The following TTC27 variants were observed in gnomAD, a reference collection of about 807,000 sequenced individuals.
TTC27 encodes the protein tetratricopeptide repeat domain 27.
TTC27 carries 79 observed loss-of-function variants against 115.9 expected under a neutral mutation model. That is an observed-to-expected ratio of 0.68 (90% CI 0.57 to 0.82). TTC27 has a LOEUF of 0.82. TTC27 is among the 40% of genes least tolerant of loss of function. TTC27 has a pLI of 0.00. For synonymous variants in TTC27, 401 were observed against 356.0 expected, an observed-to-expected ratio of 1.13 and a Z score of -1.42; for missense variants, 1,054 against 993.1, an observed-to-expected ratio of 1.06 and a Z score of -0.82.
chr2:32,816,780 T>C (rs1328947662), intron 18 of TTC27, among the ~76,000 whole-genome samples: 1 of 152,184 alleles, frequency 6.6e-6, no homozygotes, highest in Non-Finnish European at 1.5e-5. Context: ...GAAAATGCAG[T>C]AAGAATTGAG....
At chr2:32,784,865 T>C (rs10490456) in intron 15 of TTC27, among the ~76,000 whole-genome samples, 18,022 of 152,056 alleles carry the variant, frequency 0.12, 1,221 homozygotes, top group Middle Eastern at 0.24. Context: ...GAGGCAGTTG[T>C]TATTAGATGG....
chr2:32,810,452 G>A (rs895653020), intron 16 of TTC27, among the ~76,000 whole-genome samples: 2 of 152,220 alleles, frequency 1.3e-5, no homozygotes, highest in Non-Finnish European at 2.9e-5. Context: ...CAAATTAGTA[G>A]TTGTGGCAGA....
chr2:32,712,190 GC>G (rs1295410045), intron 10 of TTC27, among the ~76,000 whole-genome samples: 1 of 152,090 alleles, frequency 6.6e-6, no homozygotes, highest in African/African-American at 2.4e-5. Flanking sequence ...AGTGAGACGT[GC>G]CAAACTTGAA....
intron 10 of TTC27, among the ~76,000 whole-genome samples, chr2:32,725,206 C>A (rs1572551598): frequency 1.3e-5 from 2 of 152,110 alleles, no homozygotes; most frequent in African/African-American, 4.8e-5. Flanking sequence ...CCTCACATTT[C>A]AAAATCAATC....
At chr2:32,764,314 A>G (rs917267005) in intron 13 of TTC27, among the ~76,000 whole-genome samples, 10 of 152,196 alleles carry the variant, frequency 6.6e-5, no homozygotes, top group Admixed American at 5.9e-4. Flanking sequence ...AAAGCAAGTC[A>G]TGCGAATTTT....
chr2:32,697,833 C>T (rs1361894841), intron 9 of TTC27, among the ~76,000 whole-genome samples: 1 of 151,982 alleles, frequency 6.6e-6, no homozygotes, highest in African/African-American at 2.4e-5. Flanking sequence ...CACACTGCAA[C>T]CTCTCCCTCC....
At chr2:32,663,990 ATT>A (rs34288912) in intron 5 of TTC27, among the ~76,000 whole-genome samples, 2 of 144,108 alleles carry the variant, frequency 1.4e-5, no homozygotes, top group Non-Finnish European at 1.5e-5. Context: ...TCCCCCCACT[ATT>A]TTTTTTTTTT....
chr2:32,644,698 G>A (rs1664784481), intron 4 of TTC27, among the ~76,000 whole-genome samples: 1 of 151,910 alleles, frequency 6.6e-6, no homozygotes, highest in South Asian at 2.1e-4. Context: ...TGAGTAGCTG[G>A]AACTTCAGGA....
At chr2:32,671,188 T>C (rs942981282) in intron 7 of TTC27, among the ~76,000 whole-genome samples, 2 of 152,186 alleles carry the variant, frequency 1.3e-5, no homozygotes, top group Admixed American at 1.3e-4. Flanking sequence ...AAAGTTTTTT[T>C]TAATGTTTTC....
chr2:32,752,460 A>G (rs1312233230), intron 12 of TTC27, among the ~76,000 whole-genome samples: 4 of 152,298 alleles, frequency 2.6e-5, no homozygotes, highest in East Asian at 1.9e-4. Context: ...TGAGCAAATA[A>G]TTTAGAACCA....
At chr2:32,659,259 C>G (rs1244300817) in intron 5 of TTC27, among the ~76,000 whole-genome samples, 1 of 152,110 alleles carries the variant, frequency 6.6e-6, no homozygotes, top group Non-Finnish European at 1.5e-5. Flanking sequence ...GCCACGATGC[C>G]CAGCCCCTCC....
At chr2:32,663,537 C>T (rs1665634429) in intron 5 of TTC27, among the ~76,000 whole-genome samples, 1 of 152,170 alleles carries the variant, frequency 6.6e-6, no homozygotes, top group East Asian at 1.9e-4. Context: ...CCTGGTACCT[C>T]AGTTGGAAAT....
At chr2:32,675,554 G>C (rs1307471483) in intron 8 of TTC27, among the ~76,000 whole-genome samples, 1 of 152,100 alleles carries the variant, frequency 6.6e-6, no homozygotes, top group African/African-American at 2.4e-5. Flanking sequence ...GAAACCACTT[G>C]CTTATTTTCT....
At position 32,683,047 on chromosome 2, in the gene TTC27, G is replaced by A. The variant is rs115277854; in HGVS notation, c.1119+4125G>A. ...TTTTTTGTGTTTTTCAGTAAAGATG[G>A]GGTTTCACTGTGTTAGCTAGGATGG... On this transcript the variant is annotated intron_variant, in intron 9 of 19. Coordinates refer to ENST00000317907, the MANE Select transcript of TTC27 (RefSeq NM_017735.5). 4.9e-3 allele frequency among the ~76,000 whole-genome samples: 737 copies of A among 151,708 alleles called. 8 individuals carry two copies. Among genetic ancestry groups the A allele is most frequent in the African/African-American group, 0.017 (717 of 41,368 alleles).
chr2:32,646,153 C>T (rs778653720), intron 4 of TTC27, among the ~76,000 whole-genome samples: 32 of 152,016 alleles, frequency 2.1e-4, no homozygotes, highest in Non-Finnish European at 3.7e-4. Flanking sequence ...CTCAGCCTCC[C>T]GAGGAGCTGG....
chr2:32,680,634 G>T (rs1177890395), intron 9 of TTC27, among the ~76,000 whole-genome samples: 1 of 152,146 alleles, frequency 6.6e-6, no homozygotes, highest in Non-Finnish European at 1.5e-5. Flanking sequence ...TCAGGGTAGG[G>T]ACTGGATGGG....
chr2:32,699,438 G>A (rs1667109881), intron 9 of TTC27, among the ~76,000 whole-genome samples: 1 of 152,224 alleles, frequency 6.6e-6, no homozygotes, highest in Non-Finnish European at 1.5e-5. Flanking sequence ...GTAGATTATG[G>A]CTTGAGCTCT....
intron 1 of TTC27, among the ~76,000 whole-genome samples, chr2:32,628,794 C>G (rs568847670): frequency 1.3e-5 from 2 of 150,564 alleles, no homozygotes; most frequent in Admixed American, 1.3e-4. Flanking sequence ...CGGAGTTTTG[C>G]TTTTTGCCCA....
In TTC27 at chr2:32,811,237, C is replaced by T. The variant is rs1346860162; in HGVS notation, c.2196+16C>T. 8.7e-6 allele frequency: 14 copies of T among 1,606,462 alleles called. No individual in the cohort carries two copies. The highest frequency in any genetic ancestry group is 1.1e-5 in the South Asian group (1 of 89,894). Reference sequence around the variant, plus strand: ...AAATGAAAAGGCAAGTCCTTCATTCCTCCTGAGTCCTTGCCTTTCGTTTGA... The same window carrying T: ...AAATGAAAAGGCAAGTCCTTCATTCTTCCTGAGTCCTTGCCTTTCGTTTGA... On this transcript the variant is annotated intron_variant, in intron 17 of 19. Coordinates refer to ENST00000317907, the MANE Select transcript of TTC27 (RefSeq NM_017735.5).
Sources: gnomAD v4.1 joint callset for allele counts (sites outside exome capture counted in the v4.1 genomes callset) on GRCh38, gnomAD v4.1.1 for gene constraint, MANE v1.5 for transcripts, NCBI Gene and HGNC (gene_info 2026-07-23, HGNC 2026-07-21) for gene names.